Variants in DPP8 observed in about 807,000 individuals in gnomAD.
DPP8 encodes DPP VIII.
DPP8 carries 31 observed loss-of-function variants against 107.5 expected under a neutral mutation model. That is an observed-to-expected ratio of 0.29 (90% CI 0.22 to 0.39). The LOEUF is 0.39. Among genes scored for constraint, DPP8 ranks in the 10% least tolerant of loss-of-function variants. The probability of loss-of-function intolerance (pLI) is 1.00; values close to 1 mark genes in which losing one functional copy is unlikely to be tolerated. For missense variants in DPP8, 842 were observed against 1,076.1 expected, an observed-to-expected ratio of 0.78 and a Z score of 3.04; for synonymous variants, 381 against 356.6, an observed-to-expected ratio of 1.07 and a Z score of -0.77.
intron 3 of DPP8, among the ~76,000 whole-genome samples, chr15:65,501,887 ATTTC>A (rs1013838865): frequency 3.9e-5 from 6 of 152,110 alleles, no homozygotes; most frequent in Middle Eastern, 3.4e-3. Flanking sequence ...TTTCACAGTG[ATTTC>A]TTTCTTTCTT....
chr15:65,463,615 T>C, intron 15 of DPP8, 146 bp downstream of exon 15: 1 of 600,652 alleles, frequency 1.7e-6, no homozygotes, highest in Non-Finnish European at 2.7e-6. Context: ...CCCCCTAAAC[T>C]GAATAATTGG....
intron 3 of DPP8, 94 bp from the exon 4 acceptor site, chr15:65,500,873 CTTTTTTTTT>C: frequency 9.1e-6 from 3 of 329,200 alleles, no homozygotes; most frequent in Non-Finnish European, 1.1e-5. Context: ...ATTATTGACT[CTTTTTTTTT>C]TTTTTTTTTT....
intron 5 of DPP8, among the ~76,000 whole-genome samples, chr15:65,497,016 A>G (rs745558788): frequency 2.5e-4 from 38 of 152,142 alleles, no homozygotes; most frequent in Admixed American, 1.2e-3. Flanking sequence ...CAACCTCCCT[A>G]GTAGCTGGGA....
chr15:65,444,470 CAG>C lies in DPP8; in HGVS notation c.*2412_*2413del, dbSNP rs1491381207. 1.3e-5 allele frequency: 2 copies of C among 152,202 alleles called. No individual in the cohort carries two copies. The highest frequency in any genetic ancestry group is 6.5e-5 in the Admixed American group (1 of 15,276). The allele number at this position is 152,202 out of a possible 1,614,324, so 9.4% of individuals were successfully genotyped here. The stretch of plus-strand genomic sequence containing the variant: ...TGCCGTTTAAGCTGTTACCCATACT[CAG>C]GGGGTACAAACTTTTAGTGAGATTT... On this transcript the variant is annotated 3_prime_UTR_variant, in exon 20 of 20. Transcript: ENST00000300141.
chr15:65,493,678 A>G (rs2068269264), intron 5 of DPP8, among the ~76,000 whole-genome samples: 1 of 152,190 alleles, frequency 6.6e-6, no homozygotes, highest in African/African-American at 2.4e-5. Context: ...CCCCATTTGT[A>G]TCTTCCTACT....
Position 65,478,974 on chromosome 15 carries a change from A to G in DPP8, c.1362T>C (p.Ser454=), listed in dbSNP as rs2066653645. 2 of 1,593,748 alleles carry G rather than the reference A, an allele frequency of 1.3e-6. No individual in the cohort carries two copies. The highest frequency in any genetic ancestry group is 2.7e-5 in the African/African-American group (2 of 73,924). The change falls in exon 11 of 20, where the codon TCT becomes TCC. Residue 454 remains serine, a synonymous_variant. Transcript: ENST00000300141. ...HEEEIEFIFA[S]ECKTGFRHLY... is the part of the protein sequence containing the mutation. ...AATGACGGAAACCTGTTTTGCATTC[A>G]GAGGCAAAAATAAACTCAATTTCCT... is the stretch of plus-strand genomic sequence containing the variant.
At position 65,497,867 on chromosome 15, in the gene DPP8, T is replaced by C. The variant is rs148709986; in HGVS notation, c.712A>G (p.Asn238Asp). The C allele has an allele frequency of 7.3e-6, 11 of 1,509,858 alleles. No individual in the cohort carries two copies. In the African/African-American group the frequency reaches 1.5e-4, roughly 21 times the overall value. The allele number at this position is 1,509,858 out of a possible 1,614,324, so 93.5% of individuals were successfully genotyped here. A position where few individuals can be genotyped will look rare whatever the true frequency, so the allele number is the denominator to read the frequency against. The change falls in exon 5 of 20, where the codon AAT becomes GAT. Residue 238 changes from asparagine (N) to aspartate (D), a missense_variant. By Grantham distance (23) the Asn-to-Asp change is conservative (BLOSUM62 1). This residue lies in a region of DPP8 where 663 missense variants were observed against 758.0 expected (regional missense o/e 0.87). Transcript: ENST00000300141. ...REERRLTYVHNELANMEEDAR... is the reference protein window; with the variant it reads ...REERRLTYVHDELANMEEDAR... ...AATCTGAAGAACTACGCCTTACCAT[T>C]GTGCACATAAGTGAGTCTCCTTTCT...
At chr15:65,449,802 A>C (rs2063833368) in intron 19 of DPP8, among the ~76,000 whole-genome samples, 2 of 152,210 alleles carry the variant, frequency 1.3e-5, no homozygotes, top group Non-Finnish European at 2.9e-5. Context: ...ACAGAAAGAG[A>C]CATAAGAATG....
At chr15:65,465,569 CTTT>C (rs556724106) in intron 14 of DPP8, among the ~76,000 whole-genome samples, 17 of 128,506 alleles carry the variant, frequency 1.3e-4, no homozygotes, top group Non-Finnish European at 8.5e-5. Flanking sequence ...CCAGTCCATT[CTTT>C]TTTTTTTTTT....
intron 15 of DPP8, among the ~76,000 whole-genome samples, chr15:65,456,866 T>G (rs1180842041): frequency 6.6e-6 from 1 of 151,974 alleles, no homozygotes; most frequent in Non-Finnish European, 1.5e-5. Flanking sequence ...CCAAGTGCAC[T>G]GTACTCTAAC....
At position 65,479,144 on chromosome 15, in the gene DPP8, T is replaced by C. The variant is rs2066670920; in HGVS notation, c.1297-105A>G. On this transcript the variant is annotated intron_variant, in intron 10 of 19. Transcript: ENST00000300141. ...TGATAAATATACTTTGAAATATAAATAACCATCAATGCCAAAGGAATGCTA... is the reference window on the plus strand; with the variant it reads ...TGATAAATATACTTTGAAATATAAACAACCATCAATGCCAAAGGAATGCTA... 11 of 719,864 alleles carry C rather than the reference T, an allele frequency of 1.5e-5. No individual in the cohort carries two copies. In the East Asian group the frequency reaches 3.7e-4, roughly 24 times the overall value. The allele number at this position is 719,864 out of a possible 1,614,324, so 44.6% of individuals were successfully genotyped here. A position where few individuals can be genotyped will look rare whatever the true frequency, so the allele number is the denominator to read the frequency against.
chr15:65,513,646 A>G (rs985510622), intron 1 of DPP8, among the ~76,000 whole-genome samples: 1 of 152,260 alleles, frequency 6.6e-6, no homozygotes, highest in Non-Finnish European at 1.5e-5. Flanking sequence ...TACAGAAAGC[A>G]TTTAATATTT....
chr15:65,471,578 C>T (rs2065902815), intron 12 of DPP8, among the ~76,000 whole-genome samples: 1 of 151,180 alleles, frequency 6.6e-6, no homozygotes, highest in Non-Finnish European at 1.5e-5. Context: ...CCTCAAACTC[C>T]TGGGCTAAAG....
chr15:65,449,154 T>C (rs1849483067), intron 19 of DPP8, among the ~76,000 whole-genome samples: 1 of 141,016 alleles, frequency 7.1e-6, no homozygotes, highest in Non-Finnish European at 1.5e-5. Context: ...AGGTTGCAGT[T>C]AGCCAAGATC....
In DPP8 at chr15:65,512,385, CATG is replaced by C. The variant is rs1283438239; in HGVS notation, c.166_168del (p.His56del). ...TGTGGTGCCTTAGCCATCATGTAGC[CATG>C]ATATTTTCTGGTATCGGCAAGCAGC... On this transcript the variant is annotated inframe_deletion, in exon 2 of 20. Coordinates refer to ENST00000300141, the MANE Select transcript of DPP8 (RefSeq NM_130434.5). The C allele has an allele frequency of 1.3e-5, 21 of 1,613,942 alleles. No individual in the cohort carries two copies. The highest frequency in any genetic ancestry group is 1.6e-4 in the Middle Eastern group (1 of 6,084).
At chr15:65,468,790 G>A (rs2065588194) in intron 12 of DPP8, among the ~76,000 whole-genome samples, 1 of 152,108 alleles carries the variant, frequency 6.6e-6, no homozygotes, top group African/African-American at 2.4e-5. Flanking sequence ...ATGGGAGTCA[G>A]GCCTTTCAAG....
intron 6 of DPP8, among the ~76,000 whole-genome samples, chr15:65,489,107 C>T (rs1046171488): frequency 2.0e-5 from 3 of 151,598 alleles, no homozygotes; most frequent in Non-Finnish European, 2.9e-5. Flanking sequence ...ACTACAGGTG[C>T]ATACCACCAC....
intron 18 of DPP8, 32 bp downstream of exon 18, chr15:65,451,928 T>TAA (rs1595849737): frequency 6.8e-7 from 1 of 1,474,758 alleles, no homozygotes; most frequent in Non-Finnish European, 9.1e-7. Flanking sequence ...CTGTCTCAAT[T>TAA]TAAAAAAAAA....
intron 7 of DPP8, among the ~76,000 whole-genome samples, chr15:65,486,942 G>A (rs547387615): frequency 6.6e-6 from 1 of 152,076 alleles, no homozygotes; most frequent in South Asian, 2.1e-4. Context: ...ACTTATCCAT[G>A]TAACCGAAAA....
Sources: allele counts gnomAD v4.1 joint callset (sites outside exome capture counted in the v4.1 genomes callset), GRCh38; gene constraint gnomAD v4.1.1; regional missense constraint gnomAD v4.1.1; transcripts MANE v1.5; gene names NCBI Gene and HGNC (gene_info 2026-07-23, HGNC 2026-07-21).